Variants in DMD observed in about 807,000 individuals in gnomAD.
DMD encodes mutant dystrophin.
In DMD, 63 loss-of-function variants were observed where a neutral mutation model predicts 330.1. The observed-to-expected ratio is 0.19, with a 90% confidence interval of 0.16 to 0.24. The LOEUF (loss-of-function observed/expected upper bound fraction) is 0.24. DMD is among the 10% of genes least tolerant of loss of function. DMD has a pLI of 1.00. For missense variants in DMD, 3,344 were observed against 2,684.1 expected (o/e 1.25, Z -5.43); for synonymous variants, 1,223 against 959.8 (o/e 1.27, Z -5.07).
chrX:33,192,770 T>C (rs1276680735), intron 1 of DMD, among the ~76,000 whole-genome samples: 1 of 111,883 alleles, frequency 8.9e-6, no homozygotes, highest in Admixed American at 9.5e-5. Context: ...AATAATAAAT[T>C]CAAGGGAATG....
intron 62 of DMD, among the ~76,000 whole-genome samples, chrX:31,296,487 T>G (rs909921646): frequency 8.9e-6 from 1 of 112,003 alleles, no homozygotes; most frequent in Non-Finnish European, 1.9e-5. Flanking sequence ...ATCTGCAGTA[T>G]GTAGAAAGAT....
intron 55 of DMD, among the ~76,000 whole-genome samples, chrX:31,530,647 C>CTTTTTTTTTTTTTTTTTTTTTATTTTT (rs2073678188): frequency 2.0e-5 from 1 of 49,847 alleles, no homozygotes; most frequent in Non-Finnish European, 3.6e-5. Context: ...ACTGGTTTCT[C>CTTTTTTTTTTTTTTTTTTTTTATTTTT]TTTTTTTTTT....
At chrX:31,230,375 G>T (rs1290158347) in intron 63 of DMD, among the ~76,000 whole-genome samples, 3 of 111,885 alleles carry the variant, frequency 2.7e-5, no homozygotes, top group African/African-American at 9.8e-5. Flanking sequence ...AGGGCCAGGT[G>T]TGGTGGCTCA....
chrX:31,472,126 C>A (rs907917828), intron 59 of DMD, among the ~76,000 whole-genome samples: 11 of 112,342 alleles, frequency 9.8e-5, no homozygotes, highest in African/African-American at 3.2e-4. Context: ...ATTTGTAGTT[C>A]TTTAACAATG....
intron 9 of DMD, among the ~76,000 whole-genome samples, chrX:32,646,242 C>A (rs1488803672): frequency 9.0e-6 from 1 of 111,385 alleles, no homozygotes; most frequent in Non-Finnish European, 1.9e-5. Flanking sequence ...CTGCTTTAAC[C>A]TAAAGGCATT....
intron 6 of DMD, among the ~76,000 whole-genome samples, chrX:32,812,566 G>C (rs2148776034): frequency 8.9e-6 from 1 of 112,353 alleles, no homozygotes; most frequent in Admixed American, 9.4e-5. Flanking sequence ...CTGGGAAGTG[G>C]AGGTTGCAGT....
intron 60 of DMD, among the ~76,000 whole-genome samples, chrX:31,361,595 T>C (rs1291816748): frequency 9.0e-6 from 1 of 111,135 alleles, no homozygotes; most frequent in Non-Finnish European, 1.9e-5. Context: ...TCAGACTCAG[T>C]ATCAGCAGCT....
chrX:32,150,148 G>A (rs762588639), intron 44 of DMD, among the ~76,000 whole-genome samples: 2 of 112,243 alleles, frequency 1.8e-5, no homozygotes, highest in South Asian at 3.7e-4. Context: ...AATGTTAAAC[G>A]GATGTGAAAG....
chrX:31,987,286 T>A (rs1385806678), intron 44 of DMD, among the ~76,000 whole-genome samples: 1 of 111,807 alleles, frequency 8.9e-6, no homozygotes, highest in Non-Finnish European at 1.9e-5. Context: ...TTACCATTTA[T>A]TTGGGGTAGA....
intron 2 of DMD, among the ~76,000 whole-genome samples, chrX:32,945,712 T>G (rs1246436685): frequency 8.9e-6 from 1 of 111,827 alleles, no homozygotes. Flanking sequence ...GTTTTGTTTC[T>G]ACTCCTAAAT....
chrX:32,754,247 A>T (rs779697307), intron 7 of DMD, among the ~76,000 whole-genome samples: 1 of 111,227 alleles, frequency 9.0e-6, no homozygotes, highest in Non-Finnish European at 1.9e-5. Flanking sequence ...AGATGGATAC[A>T]ATTATCGCCA....
At chrX:32,925,746 A>T (rs1269466200) in intron 2 of DMD, among the ~76,000 whole-genome samples, 1 of 112,125 alleles carries the variant, frequency 8.9e-6, no homozygotes, top group Non-Finnish European at 1.9e-5. Flanking sequence ...CTAAACTACT[A>T]AACGTTATAA....
intron 1 of DMD, among the ~76,000 whole-genome samples, chrX:33,330,316 CT>C (rs1268420533): frequency 9.0e-6 from 1 of 111,095 alleles, no homozygotes; most frequent in South Asian, 3.7e-4. Context: ...TGGATAAAAC[CT>C]TACGGATTAT....
At chrX:31,793,682 C>T (rs913372043) in intron 50 of DMD, among the ~76,000 whole-genome samples, 7 of 111,639 alleles carry the variant, frequency 6.3e-5, no homozygotes, top group African/African-American at 2.3e-4. Flanking sequence ...CTGTATTGAA[C>T]ATGAAAAGCA....
At chrX:32,849,704 C>G in intron 3 of DMD, 24 bp downstream of exon 3, 1 of 1,118,714 alleles carries the variant, frequency 8.9e-7, no homozygotes, top group Non-Finnish European at 1.2e-6. Flanking sequence ...TTAAAGTTAA[C>G]TTTCTTAAAA....
At chrX:31,690,561 G>A (rs950389867) in intron 52 of DMD, among the ~76,000 whole-genome samples, 1 of 111,959 alleles carries the variant, frequency 8.9e-6, no homozygotes, top group Non-Finnish European at 1.9e-5. Flanking sequence ...TCAGTGTGGC[G>A]ATTCCTCAGG....
At chrX:32,198,351 G>A (rs2124747) in intron 44 of DMD, among the ~76,000 whole-genome samples, 9,770 of 111,126 alleles carry the variant, frequency 0.088, 478 homozygotes, top group Admixed American at 0.15. Flanking sequence ...TAATGGTAGC[G>A]TTGTTTTCTA....
intron 17 of DMD, among the ~76,000 whole-genome samples, chrX:32,537,514 G>A (rs1043370287): frequency 5.4e-5 from 6 of 110,578 alleles, no homozygotes; most frequent in Admixed American, 9.7e-5. Flanking sequence ...TTCAAGAAGG[G>A]ACTAATCATT....
At chrX:33,182,646 A>G (rs746399457) in intron 1 of DMD, among the ~76,000 whole-genome samples, 2 of 111,864 alleles carry the variant, frequency 1.8e-5, no homozygotes, top group South Asian at 7.4e-4. Context: ...CAATATTAAC[A>G]AAGAAAAAGG....
Sources: allele counts gnomAD v4.1 joint callset (sites outside exome capture counted in the v4.1 genomes callset), GRCh38; gene constraint gnomAD v4.1.1; transcripts MANE v1.5; gene names NCBI Gene and HGNC (gene_info 2026-07-23, HGNC 2026-07-21).